The following PAPPA2 variants were observed in gnomAD, a reference collection of about 807,000 sequenced individuals.
PAPPA2 encodes the protein pappalysin-2.
A neutral mutation model predicts 176.4 loss-of-function variants in PAPPA2; 86 were observed. The ratio of observed to expected loss-of-function variants is 0.49; its 90% CI spans 0.41 to 0.58. The LOEUF (loss-of-function observed/expected upper bound fraction) is 0.58. Ranked by LOEUF, PAPPA2 falls within the 20% of genes least tolerant of loss-of-function variation. The pLI is 0.00. For synonymous variants in PAPPA2, 809 were observed against 852.2 expected, an observed-to-expected ratio of 0.95 and a Z score of 0.88; for missense variants, 2,073 against 2,256.9, an observed-to-expected ratio of 0.92 and a Z score of 1.65.
At chr1:176,678,849 A>G (rs1659438211) in intron 4 of PAPPA2, among the ~76,000 whole-genome samples, 1 of 152,118 alleles carries the variant, frequency 6.6e-6, no homozygotes, top group Admixed American at 6.6e-5. Flanking sequence ...AAGTATATAA[A>G]TGTGTGTATG....
intron 3 of PAPPA2, among the ~76,000 whole-genome samples, chr1:176,659,467 C>T (rs1242674249): frequency 1.3e-5 from 2 of 152,014 alleles, no homozygotes; most frequent in South Asian, 2.1e-4. Flanking sequence ...GATTAGGGCC[C>T]ACTCTAATGA....
At chr1:176,747,082 A>G (rs1662945007) in intron 14 of PAPPA2, among the ~76,000 whole-genome samples, 1 of 152,206 alleles carries the variant, frequency 6.6e-6, no homozygotes, top group Non-Finnish European at 1.5e-5. Context: ...TGTTTCTGGG[A>G]AGGAAAGCTT....
At chr1:176,712,313 C>T (rs1661184185) in intron 12 of PAPPA2, among the ~76,000 whole-genome samples, 1 of 152,010 alleles carries the variant, frequency 6.6e-6, no homozygotes. Context: ...CACATCACTG[C>T]CCCCCCTCCA....
At chr1:176,836,561 G>T (rs1292830371) in intron 21 of PAPPA2, 1 of 152,146 alleles carries the variant, frequency 6.6e-6, no homozygotes, top group African/African-American at 2.4e-5. Context: ...AATGTTTATG[G>T]AACTACTCCC....
At chr1:176,483,015 C>G (rs531267768) in intron 1 of PAPPA2, among the ~76,000 whole-genome samples, 10 of 152,194 alleles carry the variant, frequency 6.6e-5, no homozygotes, top group African/African-American at 1.4e-4. Flanking sequence ...TGACGGATGC[C>G]CTTTTCAAGG....
At chr1:176,651,476 A>G (rs1657722973) in intron 3 of PAPPA2, among the ~76,000 whole-genome samples, 1 of 151,618 alleles carries the variant, frequency 6.6e-6, no homozygotes, top group East Asian at 1.9e-4. Flanking sequence ...TATAGTTTCC[A>G]TAGGGAAGTC....
intron 3 of PAPPA2, among the ~76,000 whole-genome samples, chr1:176,596,490 T>G (rs1328677840): frequency 6.6e-6 from 1 of 152,242 alleles, no homozygotes; most frequent in Non-Finnish European, 1.5e-5. Context: ...TACTTAGATG[T>G]TACCACCTGG....
intron 8 of PAPPA2, among the ~76,000 whole-genome samples, chr1:176,702,349 G>C (rs1229792655): frequency 6.6e-6 from 1 of 152,230 alleles, no homozygotes; most frequent in Non-Finnish European, 1.5e-5. Context: ...GGACTGTTAG[G>C]TTCAGTGTTA....
In PAPPA2 at chr1:176,543,779, G is replaced by C. The variant is rs116135404; in HGVS notation, c.-916-11628G>C. On this transcript the variant is annotated intron_variant, in intron 1 of 22. Transcript: ENST00000367662. The stretch of plus-strand genomic sequence containing the variant: ...TTGCCAGCAAGGGGTTGTATTTTCA[G>C]CCCATTAGGTTTGAGGTGAAGACAG... Among the ~76,000 whole-genome samples, 232 of 152,310 alleles carry C rather than the reference G, an allele frequency of 1.5e-3. 1 individual carries two copies. Among genetic ancestry groups the C allele is most frequent in the African/African-American group, 5.4e-3 (224 of 41,574 alleles).
intron 21 of PAPPA2, among the ~76,000 whole-genome samples, chr1:176,808,161 A>C (rs1665989100): frequency 6.6e-6 from 1 of 152,136 alleles, no homozygotes; most frequent in South Asian, 2.1e-4. Context: ...AAAAATGCTT[A>C]AGAATTATAT....
intron 6 of PAPPA2, among the ~76,000 whole-genome samples, chr1:176,692,906 G>A (rs907178876): frequency 4.6e-5 from 7 of 152,248 alleles, no homozygotes; most frequent in Admixed American, 2.0e-4. Flanking sequence ...ACTGGGGGAG[G>A]CAGGATGATT....
At chr1:176,585,258 G>C (rs1381502779) in intron 2 of PAPPA2, among the ~76,000 whole-genome samples, 1 of 151,870 alleles carries the variant, frequency 6.6e-6, no homozygotes. Flanking sequence ...GCTGGGTATA[G>C]TATTCTCGGC....
At chr1:176,833,119 A>C (rs948671903) in intron 21 of PAPPA2, among the ~76,000 whole-genome samples, 1 of 152,066 alleles carries the variant, frequency 6.6e-6, no homozygotes, top group Admixed American at 6.5e-5. Flanking sequence ...CTTTCTTTCA[A>C]TTACATCTTC....
At chr1:176,709,374 A>C (rs1399224417) in intron 10 of PAPPA2, among the ~76,000 whole-genome samples, 1 of 152,112 alleles carries the variant, frequency 6.6e-6, no homozygotes, top group Non-Finnish European at 1.5e-5. Flanking sequence ...TAAAAGAAAC[A>C]AAATACACAC....
At chr1:176,749,485 C>T (rs916727690) in intron 14 of PAPPA2, among the ~76,000 whole-genome samples, 1 of 152,170 alleles carries the variant, frequency 6.6e-6, no homozygotes, top group Non-Finnish European at 1.5e-5. Flanking sequence ...TTAGAATTCA[C>T]TCTCAGTGTT....
At chr1:176,480,289 G>A (rs1310148246) in intron 1 of PAPPA2, among the ~76,000 whole-genome samples, 3 of 152,216 alleles carry the variant, frequency 2.0e-5, no homozygotes, top group African/African-American at 4.8e-5. Context: ...CGAAAGGGCA[G>A]CGCTGGATAA....
intron 1 of PAPPA2, among the ~76,000 whole-genome samples, chr1:176,475,438 C>A (rs1558390899): frequency 6.6e-6 from 1 of 152,126 alleles, no homozygotes; most frequent in Non-Finnish European, 1.5e-5. Flanking sequence ...CTCAGTGCAT[C>A]CTTACAGGAG....
At chr1:176,616,925 A>G (rs1223299811) in intron 3 of PAPPA2, 3 of 406,644 alleles carry the variant, frequency 7.4e-6, no homozygotes, top group African/African-American at 4.1e-5. Flanking sequence ...TGAAGTTGTA[A>G]GTAATGATAA....
intron 1 of PAPPA2, among the ~76,000 whole-genome samples, chr1:176,516,769 T>C (rs1195878587): frequency 6.6e-6 from 1 of 152,180 alleles, no homozygotes; most frequent in South Asian, 2.1e-4. Flanking sequence ...TTTCAAATTA[T>C]CCAGTCTGTA....
Sources: gnomAD v4.1 joint callset for allele counts (sites outside exome capture counted in the v4.1 genomes callset) on GRCh38, gnomAD v4.1.1 for gene constraint, MANE v1.5 for transcripts, NCBI Gene and HGNC (gene_info 2026-07-23, HGNC 2026-07-21) for gene names.